NT5E: variants seen among roughly 807,000 people sequenced by gnomAD.
NT5E encodes 5'-nucleotidase.
A neutral mutation model predicts 55.1 loss-of-function variants in NT5E; 53 were observed. The observed-to-expected ratio is 0.96, with a 90% CI of 0.77 to 1.21. The LOEUF is 1.21. NT5E is among the 50% of genes most tolerant of loss of function. The pLI, the probability that NT5E is intolerant of heterozygous loss-of-function variation, is 0.00. For missense variants in NT5E, 683 were observed against 724.3 expected, an observed-to-expected ratio of 0.94 and a Z score of 0.65; for synonymous variants, 270 against 278.4, an observed-to-expected ratio of 0.97 and a Z score of 0.30.
intron 3 of NT5E, among the ~76,000 whole-genome samples, chr6:85,475,482 A>C (rs1483719905): frequency 6.6e-6 from 1 of 152,256 alleles, no homozygotes; most frequent in Non-Finnish European, 1.5e-5. Context: ...AGTGAAGAGA[A>C]GGGAACTTCC....
chr6:85,451,999 C>T (rs1768869414), intron 1 of NT5E, among the ~76,000 whole-genome samples: 1 of 152,198 alleles, frequency 6.6e-6, no homozygotes, highest in Non-Finnish European at 1.5e-5. Flanking sequence ...GATCCTTCAG[C>T]CTTCAGAGTT....
intron 6 of NT5E, 120 bp downstream of exon 6, chr6:85,489,719 T>G (rs1006738373): frequency 1.3e-6 from 1 of 741,602 alleles, no homozygotes; most frequent in Non-Finnish European, 2.4e-6. Context: ...CTGCCAGCCA[T>G]GTACCAGAAT....
rs569813392 is a variant in NT5E, at chr6:85,476,320, T to C, written c.751+4895T>C. Reference sequence around the variant, plus strand: ...TGGGATAGTTCCCTTGACCCCTTCGTGGGACTCATGAAGGGGTTGTCTTGT... The same window carrying C: ...TGGGATAGTTCCCTTGACCCCTTCGCGGGACTCATGAAGGGGTTGTCTTGT... On this transcript the variant is annotated intron_variant, in intron 3 of 8. Coordinates refer to ENST00000257770, the MANE Select transcript of NT5E (RefSeq NM_002526.4). Among the ~76,000 whole-genome samples the C allele has an allele frequency of 4.6e-5, 7 of 152,320 alleles. No homozygotes were observed. The South Asian group carries it at 1.2e-3, about 27-fold the overall frequency.
intron 1 of NT5E, among the ~76,000 whole-genome samples, chr6:85,459,220 C>A (rs575522346): frequency 6.6e-5 from 10 of 152,258 alleles, no homozygotes; most frequent in South Asian, 4.1e-4. Context: ...CTTCTTGCCT[C>A]CCAAAATGCT....
At chr6:85,489,749 G>A in intron 6 of NT5E, 150 bp downstream of exon 6, 1 of 695,052 alleles carries the variant, frequency 1.4e-6, no homozygotes. Flanking sequence ...TTAAATTAGG[G>A]TTAGCCATTA....
chr6:85,478,557 C>T (rs149467752), intron 3 of NT5E, among the ~76,000 whole-genome samples: 3 of 152,278 alleles, frequency 2.0e-5, no homozygotes, highest in Admixed American at 6.5e-5. Flanking sequence ...GCTTAGCCAC[C>T]ACTAGCTGTC....
intron 1 of NT5E, among the ~76,000 whole-genome samples, chr6:85,453,190 A>C (rs1039278684): frequency 6.6e-6 from 1 of 152,188 alleles, no homozygotes; most frequent in African/African-American, 2.4e-5. Flanking sequence ...TTGTCCCCTG[A>C]GGCACGAGGA....
chr6:85,479,686 T>A (rs1413974840), intron 3 of NT5E, among the ~76,000 whole-genome samples: 1 of 152,134 alleles, frequency 6.6e-6, no homozygotes, highest in Non-Finnish European at 1.5e-5. Flanking sequence ...AATAAAGTCA[T>A]TACTTCTGAA....
intron 8 of NT5E, 135 bp downstream of exon 8, chr6:85,492,312 GCAGCA>G: frequency 1.3e-6 from 1 of 743,116 alleles, no homozygotes; most frequent in Non-Finnish European, 2.3e-6. Flanking sequence ...TTGGAAAGCA[GCAGCA>G]CAGCACAGCA....
At chr6:85,460,590 C>T (rs1769076561) in intron 1 of NT5E, among the ~76,000 whole-genome samples, 1 of 152,148 alleles carries the variant, frequency 6.6e-6, no homozygotes, top group Non-Finnish European at 1.5e-5. Flanking sequence ...TTAGCAGTCA[C>T]ACTGAAACTC....
Position 85,493,987 on chromosome 6 carries a change from T to G in NT5E, c.1708T>G (p.Phe570Val), listed in dbSNP as rs1190799099. ...ATTTCTTTCACTTTGGGCAGTGATCTTTGTTTTATACCAATAGCCAAAAAT... is the reference window on the plus strand; with the variant it reads ...ATTTCTTTCACTTTGGGCAGTGATCGTTGTTTTATACCAATAGCCAAAAAT... ...LIFLSLWAVIFVLYQ is the reference protein window; with the variant it reads ...LIFLSLWAVIVVLYQ The change falls in exon 9 of 9, where the codon TTT becomes GTT. Residue 570 changes from phenylalanine to valine, a missense_variant. Coordinates refer to ENST00000257770, the MANE Select transcript of NT5E (RefSeq NM_002526.4). The G allele has an allele frequency of 1.2e-6, 2 of 1,614,026 alleles. No individual in the cohort carries two copies. Among genetic ancestry groups the G allele is most frequent in the Non-Finnish European group, 1.7e-6 (2 of 1,179,952 alleles).
At chr6:85,486,588 G>T (rs9362224) in intron 4 of NT5E, among the ~76,000 whole-genome samples, 23,162 of 152,044 alleles carry the variant, frequency 0.15, 2,318 homozygotes, top group African/African-American at 0.29. Context: ...CTTGGTGATG[G>T]GAAACCTCCC....
intron 3 of NT5E, among the ~76,000 whole-genome samples, chr6:85,482,603 T>C (rs1769571529): frequency 1.3e-5 from 2 of 152,162 alleles, no homozygotes; most frequent in African/African-American, 4.8e-5. Context: ...CTTTATAAAC[T>C]CCAGATGTCA....
chr6:85,492,986 G>A (rs928801004), intron 8 of NT5E, among the ~76,000 whole-genome samples: 3 of 152,108 alleles, frequency 2.0e-5, no homozygotes, highest in African/African-American at 7.2e-5. Context: ...TGTCCCTTCC[G>A]TGACAGAAGA....
chr6:85,457,988 G>A (rs1219150145), intron 1 of NT5E, among the ~76,000 whole-genome samples: 2 of 152,170 alleles, frequency 1.3e-5, no homozygotes, highest in Non-Finnish European at 2.9e-5. Context: ...GTCTGTAGAA[G>A]AAGACACATC....
At chr6:85,475,819 GGATTT>G (rs1769423346) in intron 3 of NT5E, among the ~76,000 whole-genome samples, 1 of 152,024 alleles carries the variant, frequency 6.6e-6, no homozygotes. Context: ...CAAGTTAAAG[GGATTT>G]GAATTGTTAA....
chr6:85,452,559 C>T (rs766625561), intron 1 of NT5E, among the ~76,000 whole-genome samples: 4 of 152,052 alleles, frequency 2.6e-5, no homozygotes, highest in Non-Finnish European at 4.4e-5. Context: ...AGGCTACTTA[C>T]GTAATGTTGG....
At chr6:85,452,109 C>T (rs1265606506) in intron 1 of NT5E, among the ~76,000 whole-genome samples, 2 of 152,208 alleles carry the variant, frequency 1.3e-5, no homozygotes, top group Admixed American at 1.3e-4. Context: ...CTACACTTCC[C>T]TGATACTTTG....
intron 1 of NT5E, among the ~76,000 whole-genome samples, chr6:85,451,884 A>C (rs1219149878): frequency 6.6e-6 from 1 of 152,218 alleles, no homozygotes; most frequent in East Asian, 1.9e-4. Context: ...CCAACCCCCC[A>C]CAACAAGAAA....
Sources: gnomAD v4.1 joint callset for allele counts (sites outside exome capture counted in the v4.1 genomes callset) on GRCh38, gnomAD v4.1.1 for gene constraint, MANE v1.5 for transcripts, NCBI Gene and HGNC (gene_info 2026-07-23, HGNC 2026-07-21) for gene names.